CSMD1: variants seen among roughly 807,000 people sequenced by gnomAD.
CSMD1 encodes the protein CUB and Sushi multiple domains 1, also known as CUB and sushi domain-containing protein 1.
CSMD1 carries 213 observed loss-of-function variants against 417.5 expected under a neutral mutation model. The observed-to-expected ratio is 0.51, with a 90% CI of 0.46 to 0.57. The LOEUF is 0.57. CSMD1 is among the 20% of genes least tolerant of loss of function. The pLI is 0.00. For missense variants in CSMD1, 6,923 were observed against 4,529.7 expected, an observed-to-expected ratio of 1.53 and a Z score of -15.17; for synonymous variants, 2,862 against 1,736.8, an observed-to-expected ratio of 1.65 and a Z score of -16.11.
At chr8:4,004,797 T>C (rs1407638560) in intron 4 of CSMD1, among the ~76,000 whole-genome samples, 3 of 152,116 alleles carry the variant, frequency 2.0e-5, no homozygotes, top group Admixed American at 6.6e-5. Context: ...CAGGCTGGAG[T>C]GCAGTGGCGC....
chr8:3,443,759 T>G (rs974352933), intron 12 of CSMD1, among the ~76,000 whole-genome samples: 5 of 152,222 alleles, frequency 3.3e-5, no homozygotes, highest in South Asian at 2.1e-4. Flanking sequence ...TTAAAGGACC[T>G]TGAAATACAG....
At chr8:3,842,456 T>C (rs914407629) in intron 5 of CSMD1, among the ~76,000 whole-genome samples, 7 of 152,166 alleles carry the variant, frequency 4.6e-5, no homozygotes, top group African/African-American at 1.7e-4. Context: ...AATGATTTTA[T>C]TCTCATTGTT....
At chr8:4,413,876 A>G (rs1372883071) in intron 3 of CSMD1, among the ~76,000 whole-genome samples, 3 of 152,204 alleles carry the variant, frequency 2.0e-5, no homozygotes, top group Admixed American at 6.5e-5. Flanking sequence ...CAGGAAGGAT[A>G]CCTGGGTTTA....
chr8:3,855,633 G>T (rs1804247525), intron 5 of CSMD1, among the ~76,000 whole-genome samples: 2 of 152,032 alleles, frequency 1.3e-5, no homozygotes, highest in Admixed American at 6.6e-5. Flanking sequence ...ACAGTTTACT[G>T]CTTGAAACAT....
intron 52 of CSMD1, among the ~76,000 whole-genome samples, chr8:3,011,366 G>T (rs1439258474): frequency 6.6e-6 from 1 of 151,770 alleles, no homozygotes; most frequent in Non-Finnish European, 1.5e-5. Context: ...TTTCTGCTCT[G>T]CTGTGATATA....
At chr8:3,543,297 A>G (rs34204505) in intron 10 of CSMD1, among the ~76,000 whole-genome samples, 7,153 of 152,222 alleles carry the variant, frequency 0.047, 483 homozygotes, top group African/African-American at 0.15. Flanking sequence ...ACATTATTAG[A>G]ATAATTTATG....
chr8:4,173,820 T>C (rs1363459061), intron 3 of CSMD1, among the ~76,000 whole-genome samples: 1 of 152,174 alleles, frequency 6.6e-6, no homozygotes, highest in Non-Finnish European at 1.5e-5. Flanking sequence ...AGGAACAATC[T>C]GATCAGGCTT....
At chr8:4,963,158 C>G (rs949244464) in intron 1 of CSMD1, among the ~76,000 whole-genome samples, 1 of 152,044 alleles carries the variant, frequency 6.6e-6, no homozygotes, top group South Asian at 2.1e-4. Context: ...CCTCTGTAAG[C>G]TTTGGTAAAT....
chr8:4,882,451 A>AC (rs1340024974), intron 1 of CSMD1, among the ~76,000 whole-genome samples: 3 of 151,198 alleles, frequency 2.0e-5, no homozygotes, highest in East Asian at 2.0e-4. Flanking sequence ...TTTGAAGAGT[A>AC]TTGGGGGGCG....
intron 12 of CSMD1, among the ~76,000 whole-genome samples, chr8:3,453,290 G>T (rs192096235): frequency 0.02 from 2,976 of 152,028 alleles, 103 homozygotes; most frequent in African/African-American, 0.068. Flanking sequence ...TTTTTGAAGG[G>T]TTTTTTGTGT....
intron 29 of CSMD1, among the ~76,000 whole-genome samples, chr8:3,219,033 G>A (rs967628907): frequency 7.2e-5 from 11 of 151,974 alleles, no homozygotes; most frequent in Admixed American, 4.6e-4. Context: ...CATGAACTGG[G>A]ACAGTTTTTT....
intron 5 of CSMD1, among the ~76,000 whole-genome samples, chr8:3,877,465 A>G (rs6990537): frequency 0.05 from 7,538 of 152,166 alleles, 256 homozygotes; most frequent in African/African-American, 0.092. Flanking sequence ...CAGGCCCTAC[A>G]GCTCTCTCAA....
At chr8:4,810,527 G>A (rs951467024) in intron 1 of CSMD1, among the ~76,000 whole-genome samples, 4 of 132,828 alleles carry the variant, frequency 3.0e-5, no homozygotes, top group South Asian at 2.5e-4. Context: ...TAAAATACAC[G>A]TGTGTGTGTG....
chr8:3,928,578 A>T (rs1185041979), intron 5 of CSMD1, among the ~76,000 whole-genome samples: 1 of 151,282 alleles, frequency 6.6e-6, no homozygotes, highest in East Asian at 1.9e-4. Flanking sequence ...ATCTACAAGT[A>T]GTTCCATCCA....
chr8:4,970,076 T>C (rs1405948421), intron 1 of CSMD1, among the ~76,000 whole-genome samples: 1 of 152,126 alleles, frequency 6.6e-6, no homozygotes, highest in Admixed American at 6.6e-5. Context: ...GACAAAAGTA[T>C]TCAGTTTCAC....
At chr8:4,023,130 A>T (rs553759342) in intron 4 of CSMD1, among the ~76,000 whole-genome samples, 61 of 152,284 alleles carry the variant, frequency 4.0e-4, no homozygotes, top group African/African-American at 1.4e-3. Context: ...GATGCACTCT[A>T]ATGTGTGGAG....
intron 1 of CSMD1, among the ~76,000 whole-genome samples, chr8:4,782,247 G>A (rs73179612): frequency 0.085 from 12,856 of 152,104 alleles, 680 homozygotes; most frequent in Non-Finnish European, 0.12. Flanking sequence ...CTAGAAAAGA[G>A]GGTTTTCAAT....
chr8:3,309,268 C>T (rs571314871), intron 23 of CSMD1, among the ~76,000 whole-genome samples: 72 of 152,124 alleles, frequency 4.7e-4, no homozygotes, highest in African/African-American at 1.6e-3. Context: ...TGTCAAGACC[C>T]GCCCACCTTC....
In CSMD1 at chr8:4,430,369, A is replaced by C. The variant is rs1037598412; in HGVS notation, c.303-10304T>G. Among the ~76,000 whole-genome samples the C allele has an allele frequency of 3.3e-5, 5 of 152,164 alleles. No individual in the cohort carries two copies. The East Asian group carries it at 9.6e-4, about 29-fold the overall frequency. The stretch of plus-strand genomic sequence containing the variant: ...AAAAGGCTTACATCATTAAAGGCTT[A>C]TCAGTTTATTCAAATATATCATTGT... On this transcript the variant is annotated intron_variant, in intron 2 of 69. Coordinates refer to ENST00000635120, the MANE Select transcript of CSMD1 (RefSeq NM_033225.6).
Sources: gnomAD v4.1 joint callset for allele counts (sites outside exome capture counted in the v4.1 genomes callset) on GRCh38, gnomAD v4.1.1 for gene constraint, MANE v1.5 for transcripts, NCBI Gene and HGNC (gene_info 2026-07-23, HGNC 2026-07-21) for gene names.